Variants in ACYP2 observed in about 807,000 individuals in gnomAD.
The protein encoded by ACYP2 is acylphosphatase-2.
In ACYP2, 12 loss-of-function variants were observed where a neutral mutation model predicts 11.2. That is an observed-to-expected ratio of 1.08 (90% CI 0.69 to 1.74). ACYP2 has a LOEUF of 1.74. ACYP2 is among the 40% of genes most tolerant of loss of function. The pLI, the probability that ACYP2 is intolerant of heterozygous loss-of-function variation, is 0.00. For synonymous variants in ACYP2, 43 were observed against 32.2 expected, an observed-to-expected ratio of 1.33 and a Z score of -1.13; for missense variants, 134 against 101.9, an observed-to-expected ratio of 1.31 and a Z score of -1.35.
intron 6 of ACYP2, chr2:54,141,789 GA>G (rs749245522): frequency 5.0e-5 from 23 of 460,926 alleles, no homozygotes; most frequent in Non-Finnish European, 9.1e-5. Context: ...TTATTAAAAA[GA>G]AAACTTACAT....
chr2:54,236,002 A>G (rs1686461740), intron 6 of ACYP2, among the ~76,000 whole-genome samples: 1 of 151,948 alleles, frequency 6.6e-6, no homozygotes. Context: ...TTTTACCCTT[A>G]TTGATCTTCT....
intron 6 of ACYP2, among the ~76,000 whole-genome samples, chr2:54,265,455 T>G (rs1007517505): frequency 2.0e-5 from 3 of 152,178 alleles, no homozygotes; most frequent in East Asian, 1.9e-4. Context: ...TATGGGAGCT[T>G]ACAAGATGAG....
At chr2:53,984,313 T>C (rs921731926) in intron 2 of ACYP2, among the ~76,000 whole-genome samples, 6 of 151,944 alleles carry the variant, frequency 3.9e-5, no homozygotes, top group Non-Finnish European at 8.8e-5. Flanking sequence ...CGAGGCAGCT[T>C]ATGTCTGTAA....
chr2:54,240,413 A>T lies in ACYP2; in HGVS notation c.405-64275A>T, dbSNP rs541006021. Reference sequence around the variant, plus strand: ...ACAAAAAAGAAAATTCACTTTTTCTAAAAAAATAGCACATCAGACCTTTGT... The same window carrying T: ...ACAAAAAAGAAAATTCACTTTTTCTTAAAAAATAGCACATCAGACCTTTGT... On this transcript the variant is annotated intron_variant, in intron 6 of 6. Coordinates refer to ENST00000607452, the MANE Select transcript of ACYP2 (RefSeq NM_001320586.2). Among the ~76,000 whole-genome samples the T allele has an allele frequency of 5.3e-4, 80 of 152,212 alleles. No individual in the cohort carries two copies. In the Middle Eastern group the frequency reaches 0.01, roughly 19 times the overall value.
At chr2:54,002,596 C>T (rs4671746) in intron 2 of ACYP2, among the ~76,000 whole-genome samples, 39,680 of 149,962 alleles carry the variant, frequency 0.26, 5,943 homozygotes, top group South Asian at 0.47. Context: ...TCACCTGCCT[C>T]GGCCTCCCAA....
chr2:54,108,328 A>T lies in ACYP2; in HGVS notation c.278-27125A>T, dbSNP rs902455377. On this transcript the variant is annotated intron_variant, in intron 4 of 6. Transcript: ENST00000607452. ...TCCAGCTAGAAAGAGATTGCAATGG[A>T]TGTGTGTACCAATCCACTGTTTCAC... is the stretch of plus-strand genomic sequence containing the variant. Among the ~76,000 whole-genome samples the T allele has an allele frequency of 4.6e-5, 7 of 152,210 alleles. No individual in the cohort carries two copies. In the East Asian group the frequency reaches 1.3e-3, roughly 29 times the overall value.
intron 4 of ACYP2, among the ~76,000 whole-genome samples, chr2:54,067,480 A>G (rs530678293): frequency 6.6e-6 from 1 of 152,214 alleles, no homozygotes; most frequent in Non-Finnish European, 1.5e-5. Context: ...TAACTTAAGG[A>G]TCTGTAGTTA....
chr2:54,265,965 T>C (rs1687998387), intron 6 of ACYP2, among the ~76,000 whole-genome samples: 1 of 152,146 alleles, frequency 6.6e-6, no homozygotes. Context: ...CACGTGCCCA[T>C]TGGACATTCA....
At chr2:54,135,803 G>T (rs530749707) in intron 5 of ACYP2, among the ~76,000 whole-genome samples, 2 of 152,154 alleles carry the variant, frequency 1.3e-5, no homozygotes, top group Middle Eastern at 3.2e-3. Flanking sequence ...CTAGGCAACG[G>T]TACATATGTT....
chr2:54,106,225 G>A (rs1679149362), intron 4 of ACYP2, among the ~76,000 whole-genome samples: 1 of 152,060 alleles, frequency 6.6e-6, no homozygotes, highest in South Asian at 2.1e-4. Context: ...TTAAAGGTAA[G>A]ATTTAATTTT....
intron 6 of ACYP2, among the ~76,000 whole-genome samples, chr2:54,235,420 C>T (rs1051628637): frequency 2.0e-5 from 3 of 152,136 alleles, no homozygotes; most frequent in African/African-American, 7.2e-5. Flanking sequence ...GCAATCTCGG[C>T]TCACTGCAAG....
chr2:54,273,753 C>A (rs182077544), intron 6 of ACYP2, among the ~76,000 whole-genome samples: 10 of 152,174 alleles, frequency 6.6e-5, no homozygotes, highest in South Asian at 4.1e-4. Context: ...CATGAGCCCT[C>A]GCACCTGGCC....
intron 6 of ACYP2, among the ~76,000 whole-genome samples, chr2:54,205,347 G>A (rs1197917573): frequency 6.6e-6 from 1 of 152,224 alleles, no homozygotes; most frequent in African/African-American, 2.4e-5. Flanking sequence ...GAGAGAAGCA[G>A]ATAGACCATC....
At chr2:54,167,938 AAGAC>A (rs992138791) in intron 6 of ACYP2, among the ~76,000 whole-genome samples, 15 of 152,176 alleles carry the variant, frequency 9.9e-5, no homozygotes, top group Non-Finnish European at 4.4e-5. Flanking sequence ...CATAATATGA[AAGAC>A]AGAAGTCTTC....
chr2:54,255,634 A>C, intron 6 of ACYP2: 1 of 1,613,290 alleles, frequency 6.2e-7, no homozygotes, highest in Non-Finnish European at 8.5e-7. Flanking sequence ...TTCTTCCGCC[A>C]CGTCCATTTC....
At chr2:54,160,176 A>T (rs945130754) in intron 6 of ACYP2, among the ~76,000 whole-genome samples, 1 of 152,232 alleles carries the variant, frequency 6.6e-6, no homozygotes, top group African/African-American at 2.4e-5. Flanking sequence ...TTGAGCTGTC[A>T]TCAGTGTCAG....
intron 6 of ACYP2, among the ~76,000 whole-genome samples, chr2:54,214,060 A>G (rs1306703686): frequency 6.6e-6 from 1 of 151,830 alleles, no homozygotes; most frequent in Non-Finnish European, 1.5e-5. Flanking sequence ...ATGCCTAGCC[A>G]TCTTTGCCCA....
chr2:54,144,116 T>C (rs1259437727), intron 6 of ACYP2, among the ~76,000 whole-genome samples: 1 of 152,076 alleles, frequency 6.6e-6, no homozygotes, highest in East Asian at 1.9e-4. Context: ...AATACAGGTA[T>C]GCACCACCAT....
rs1474480019 is a variant in ACYP2 at position 54,109,683 on chromosome 2, AAAAT to A, written c.278-25766_278-25763del. Among the ~76,000 whole-genome samples the A allele has an allele frequency of 2.0e-5, 3 of 152,222 alleles. No individual in the cohort carries two copies. The East Asian group carries it at 5.8e-4, about 29-fold the overall frequency. ...TTATGAAAACATATAATAGGATACT[AAAAT>A]AAACTTTCAGAAAGTAAAATTTTAA... On this transcript the variant is annotated intron_variant, in intron 4 of 6. Coordinates refer to ENST00000607452, the MANE Select transcript of ACYP2 (RefSeq NM_001320586.2).
Sources: allele counts gnomAD v4.1 joint callset (sites outside exome capture counted in the v4.1 genomes callset), GRCh38; gene constraint gnomAD v4.1.1; transcripts MANE v1.5; gene names NCBI Gene and HGNC (gene_info 2026-07-23, HGNC 2026-07-21).